The following ZXDC variants were observed in gnomAD, a reference collection of about 807,000 sequenced individuals.
ZXDC encodes ZXD family zinc finger C, also known as zinc finger protein ZXDC.
A neutral mutation model predicts 63.6 loss-of-function variants in ZXDC; 58 were observed. That is an observed-to-expected ratio of 0.91 (90% CI 0.74 to 1.13). ZXDC has a LOEUF of 1.13. Among genes scored for constraint, ZXDC ranks in the 50% most tolerant of loss-of-function variants. The probability of loss-of-function intolerance (pLI) is 0.00; values close to 1 mark genes in which losing one functional copy is unlikely to be tolerated. For synonymous variants in ZXDC, 561 were observed against 496.1 expected (o/e 1.13, Z -1.74); for missense variants, 1,133 against 1,148.9 (o/e 0.99, Z 0.20).
intron 1 of ZXDC, 92 bp downstream of exon 1, chr3:126,474,867 A>C: frequency 7.2e-7 from 1 of 1,384,646 alleles, no homozygotes. Context: ...CCGGCTTGCT[A>C]AGGTCTGGCA....
At chr3:126,458,942 G>T (rs912557612) in intron 7 of ZXDC, 1 of 981,548 alleles carries the variant, frequency 1.0e-6, no homozygotes, top group Non-Finnish European at 1.2e-6. Context: ...TAAATAAGAA[G>T]TCATAATACT....
At chr3:126,450,226 C>G in intron 7 of ZXDC, 1 of 414,978 alleles carries the variant, frequency 2.4e-6, no homozygotes, top group South Asian at 1.8e-5. Flanking sequence ...CACCCTTTAC[C>G]TGCCAGGGCT....
chr3:126,453,828 G>A (rs1934204963), intron 7 of ZXDC: 1 of 983,434 alleles, frequency 1.0e-6, no homozygotes, highest in Admixed American at 6.2e-5. Flanking sequence ...CTGAGTAGCT[G>A]AGCTGGGATT....
intron 7 of ZXDC, 140 bp from the exon 8 acceptor site, chr3:126,442,086 C>G (rs1366049207): frequency 1.0e-6 from 1 of 981,864 alleles, no homozygotes; most frequent in East Asian, 3.2e-5. Context: ...AATCACTTAA[C>G]AGAAAAAATC....
At chr3:126,440,824 G>A in intron 8 of ZXDC, 1 of 986,538 alleles carries the variant, frequency 1.0e-6, no homozygotes, top group Non-Finnish European at 1.2e-6. Context: ...CCTCTGCCCA[G>A]GCTGCCCCTC....
rs1934086965 is a variant in ZXDC at position 126,451,186 on chromosome 3, A to G, written c.2212+8467T>C. On this transcript the variant is annotated intron_variant, in intron 7 of 9. Coordinates refer to ENST00000389709, the MANE Select transcript of ZXDC (RefSeq NM_025112.5). The stretch of plus-strand genomic sequence containing the variant: ...GTATTTTCCAATAGAAAAAGTAGAA[A>G]TGATCATAATAAAACATTCACAATC... 5.1e-6 allele frequency: 5 copies of G among 985,352 alleles called. No individual in the cohort carries two copies. In the South Asian group the frequency reaches 1.9e-4, roughly 37 times the overall value. The allele number at this position is 985,352 out of a possible 1,614,324, so 61.0% of individuals were successfully genotyped here. A position where few individuals can be genotyped will look rare whatever the true frequency, so the allele number is the denominator to read the frequency against.
In ZXDC at chr3:126,471,447, T is replaced by C. The variant is rs147130398; in HGVS notation, c.1140-422A>G. ...CTCTCTTAAGCCAACTTGTAAAGAC[T>C]GTGTCTTTTCCTAAGTGACATTTTT... On this transcript the variant is annotated intron_variant, in intron 3 of 9. Coordinates refer to ENST00000389709, the MANE Select transcript of ZXDC (RefSeq NM_025112.5). Among the ~76,000 whole-genome samples the C allele has an allele frequency of 9.1e-3, 1,392 of 152,340 alleles. 23 individuals are homozygous for C. The highest frequency in any genetic ancestry group is 0.031 in the African/African-American group (1,277 of 41,564).
chr3:126,475,253 G>T lies in ZXDC; in HGVS notation c.613C>A (p.Arg205=), dbSNP rs1022756203. ...TCCAGTGGGCACTTGAAGGGCCGCC[G>T]GCCCTGACCGCCGCCGTGCGTGAGC... ...HLLTHGGGQG[R]RPFKCPLEGC... The change falls in exon 1 of 10, where the codon CGG becomes AGG. Residue 205 remains arginine (R), a synonymous_variant. Transcript: ENST00000389709. 6.4e-7 allele frequency: 1 copy of T among 1,557,850 alleles called. No individual in the cohort carries two copies. The highest frequency in any genetic ancestry group is 1.9e-5 in the Admixed American group (1 of 51,902).
chr3:126,456,263 G>A (rs978605172), intron 7 of ZXDC, among the ~76,000 whole-genome samples: 4 of 152,250 alleles, frequency 2.6e-5, no homozygotes, highest in African/African-American at 9.6e-5. Context: ...CAGCTCCTGG[G>A]AGATCTCTAG....
chr3:126,453,653 C>G, intron 7 of ZXDC: 1 of 985,434 alleles, frequency 1.0e-6, no homozygotes, highest in Non-Finnish European at 1.2e-6. Flanking sequence ...CTTATAAACA[C>G]ATGGCCTATC....
At chr3:126,459,515 AGGAGTTG>A in intron 7 of ZXDC, 131 bp downstream of exon 7, 1 of 1,497,256 alleles carries the variant, frequency 6.7e-7, no homozygotes. Flanking sequence ...AATAAAACTA[AGGAGTTG>A]ATAAAAGGGT....
chr3:126,438,085 T>C lies in ZXDC; in HGVS notation c.*290A>G. The C allele has an allele frequency of 2.0e-6, 1 of 489,468 alleles. No homozygotes were observed. Among genetic ancestry groups the C allele is most frequent in the Non-Finnish European group, 3.7e-6 (1 of 269,066 alleles). 30.3% of individuals were successfully genotyped at this position (489,468 alleles called of 1,614,324 possible). ...TGCAACAAGTGCTACACAGCTCAGA[T>C]CCAACGGGACACGGGGAAAGAGGCT... is the stretch of plus-strand genomic sequence containing the variant. On this transcript the variant is annotated 3_prime_UTR_variant, in exon 10 of 10. Coordinates refer to ENST00000389709, the MANE Select transcript of ZXDC (RefSeq NM_025112.5).
At chr3:126,453,374 A>C (rs1934185979) in intron 7 of ZXDC, 1 of 985,318 alleles carries the variant, frequency 1.0e-6, no homozygotes, top group Non-Finnish European at 1.2e-6. Context: ...AGTTTTTCTA[A>C]ATCTGAATAA....
chr3:126,466,315 C>T lies in ZXDC; in HGVS notation c.1281G>A (p.Ala427=), dbSNP rs1027781800. 7 of 1,614,162 alleles carry T rather than the reference C, an allele frequency of 4.3e-6. No homozygotes were observed. Among genetic ancestry groups the T allele is most frequent in the South Asian group, 1.1e-5 (1 of 91,072 alleles). The change falls in exon 5 of 10, where the codon GCG becomes GCA. Residue 427 remains alanine (A), a synonymous_variant. Transcript: ENST00000389709. ...PFECPVEGCC[A]RFSARSSLYI... is the part of the protein sequence containing the mutation. ...ACAGACTGCTACGAGCGGAGAACCT[C>T]GCGCAACATCCTGGAACAAAAAGAG...
chr3:126,464,340 A>G (rs1934667745), intron 5 of ZXDC, among the ~76,000 whole-genome samples: 2 of 152,094 alleles, frequency 1.3e-5, no homozygotes, highest in Admixed American at 1.3e-4. Context: ...AGTCCTTTCT[A>G]TCTTGGTTTC....
chr3:126,450,130 A>C (rs1388445305), intron 7 of ZXDC: 1 of 350,122 alleles, frequency 2.9e-6, no homozygotes, highest in East Asian at 7.6e-5. Context: ...TGATGTCCAG[A>C]GTCTGCAAGG....
chr3:126,452,204 T>C (rs1217615109), intron 7 of ZXDC: 1 of 985,294 alleles, frequency 1.0e-6, no homozygotes, highest in Non-Finnish European at 1.2e-6. Context: ...GCCACAGCCT[T>C]GCGTGAAGTC....
rs1214133107 is a variant in ZXDC at position 126,475,534 on chromosome 3, C to T, written c.332G>A (p.Gly111Asp). 6.9e-6 allele frequency: 9 copies of T among 1,308,570 alleles called. No individual in the cohort carries two copies. The highest frequency in any genetic ancestry group is 1.5e-5 in the African/African-American group (1 of 64,864). The allele number at this position is 1,308,570 out of a possible 1,614,324, so 81.1% of individuals were successfully genotyped here. A position where few individuals can be genotyped will look rare whatever the true frequency, so the allele number is the denominator to read the frequency against. The change falls in exon 1 of 10, where the codon GGC becomes GAC. Residue 111 changes from glycine to aspartate, a missense_variant. By Grantham distance (94) the Gly-to-Asp change is moderately conservative (BLOSUM62 -1). Transcript: ENST00000389709. ...RVNLASRPEQ[G>D]PSGPAAPPGP... ...GGGGGGGGCGGCCGGGCCGCTGGGG[C>T]CCTGCTCGGGGCGGCTCGCCAGGTT...
intron 7 of ZXDC, chr3:126,457,275 A>C (rs1025656860): frequency 1.7e-5 from 17 of 985,162 alleles, no homozygotes; most frequent in Non-Finnish European, 7.2e-6. Context: ...AGGCGGGCAA[A>C]GGCATCCCCG....
Sources: gnomAD v4.1 joint callset for allele counts (sites outside exome capture counted in the v4.1 genomes callset) on GRCh38, gnomAD v4.1.1 for gene constraint, MANE v1.5 for transcripts, NCBI Gene and HGNC (gene_info 2026-07-23, HGNC 2026-07-21) for gene names.